The following PDE3A variants were observed in gnomAD, a reference collection of about 807,000 sequenced individuals.
The protein encoded by PDE3A is cGMP-inhibited 3',5'-cyclic phosphodiesterase 3A.
A neutral mutation model predicts 98.3 loss-of-function variants in PDE3A; 43 were observed. The observed-to-expected ratio is 0.44, with a 90% CI of 0.34 to 0.56. The LOEUF is 0.56. Ranked by LOEUF, PDE3A falls within the 20% of genes least tolerant of loss-of-function variation. PDE3A has a pLI of 0.01. For missense variants in PDE3A, 1,427 were observed against 1,440.7 expected, an observed-to-expected ratio of 0.99 and a Z score of 0.15; for synonymous variants, 663 against 567.9, an observed-to-expected ratio of 1.17 and a Z score of -2.38.
chr12:20,566,981 C>T (rs892430843), intron 2 of PDE3A, among the ~76,000 whole-genome samples: 2 of 151,726 alleles, frequency 1.3e-5, no homozygotes, highest in South Asian at 2.1e-4. Context: ...CATTTTCAGG[C>T]CTTTGCATGA....
At chr12:20,392,016 C>T (rs563178156) in intron 1 of PDE3A, among the ~76,000 whole-genome samples, 5 of 151,920 alleles carry the variant, frequency 3.3e-5, no homozygotes, top group East Asian at 1.9e-4. Context: ...TGCCTACTTA[C>T]GAACCACTAG....
chr12:20,589,024 G>A (rs1347275171), intron 2 of PDE3A, among the ~76,000 whole-genome samples: 2 of 152,094 alleles, frequency 1.3e-5, no homozygotes, highest in African/African-American at 4.8e-5. Flanking sequence ...CTGAGTTTAC[G>A]CCATTCTTCT....
intron 10 of PDE3A, among the ~76,000 whole-genome samples, chr12:20,642,836 A>G (rs1944675341): frequency 6.6e-6 from 1 of 152,006 alleles, no homozygotes; most frequent in Non-Finnish European, 1.5e-5. Flanking sequence ...TTCCAAAAGA[A>G]AAAAAAATAT....
At chr12:20,450,680 C>A (rs1191109049) in intron 1 of PDE3A, among the ~76,000 whole-genome samples, 1 of 152,186 alleles carries the variant, frequency 6.6e-6, no homozygotes, top group East Asian at 1.9e-4. Context: ...AGGAGTAGTT[C>A]AAGTTGTCTT....
Position 20,495,702 on chromosome 12 carries a change from C to T in PDE3A, c.961-60958C>T, listed in dbSNP as rs969373859. Among the ~76,000 whole-genome samples the T allele has an allele frequency of 2.0e-5, 3 of 152,262 alleles. No homozygotes were observed. In the East Asian group the frequency reaches 5.8e-4, roughly 29 times the overall value. On this transcript the variant is annotated intron_variant, in intron 1 of 15. Transcript: ENST00000359062. ...GTATAAAACACTTCAAGTTGCAGAA[C>T]ATCTCTTTACAGAATATTCCTAGAA...
chr12:20,595,110 A>T (rs1025496613), intron 2 of PDE3A, among the ~76,000 whole-genome samples: 5 of 152,242 alleles, frequency 3.3e-5, no homozygotes, highest in African/African-American at 1.2e-4. Flanking sequence ...AGGCCAAAGG[A>T]GGGAAGCCTT....
At chr12:20,405,066 T>C (rs1465583293) in intron 1 of PDE3A, among the ~76,000 whole-genome samples, 1 of 152,096 alleles carries the variant, frequency 6.6e-6, no homozygotes, top group East Asian at 1.9e-4. Flanking sequence ...CATTTGAATT[T>C]GGTGTGAAGG....
At chr12:20,621,191 C>A (rs1944126246) in intron 4 of PDE3A, 105 bp from the exon 5 acceptor site, 1 of 668,856 alleles carries the variant, frequency 1.5e-6, no homozygotes, top group South Asian at 1.8e-5. Flanking sequence ...CTCAGATTGG[C>A]AAATCTATTA....
chr12:20,530,927 G>A (rs1173453935), intron 1 of PDE3A, among the ~76,000 whole-genome samples: 1 of 152,114 alleles, frequency 6.6e-6, no homozygotes, highest in Non-Finnish European at 1.5e-5. Context: ...TCCTGAAAAT[G>A]AAAAGATATT....
intron 1 of PDE3A, among the ~76,000 whole-genome samples, chr12:20,449,472 G>T (rs936066704): frequency 6.6e-6 from 1 of 151,630 alleles, no homozygotes; most frequent in Admixed American, 6.6e-5. Context: ...TTTATTTACA[G>T]GTTGCCTAGA....
At chr12:20,573,195 A>G (rs1942844735) in intron 2 of PDE3A, among the ~76,000 whole-genome samples, 1 of 152,160 alleles carries the variant, frequency 6.6e-6, no homozygotes, top group Non-Finnish European at 1.5e-5. Flanking sequence ...AAAAGAAAGC[A>G]ACATTAATTG....
chr12:20,625,527 A>G (rs777335494), intron 5 of PDE3A, among the ~76,000 whole-genome samples: 9 of 152,192 alleles, frequency 5.9e-5, no homozygotes, highest in Non-Finnish European at 1.2e-4. Context: ...CTTTAGATGC[A>G]ATTTCTGCTT....
chr12:20,422,190 C>CA (rs1341813079), intron 1 of PDE3A, among the ~76,000 whole-genome samples: 6 of 151,828 alleles, frequency 4.0e-5, no homozygotes, highest in East Asian at 1.9e-4. Flanking sequence ...ACTAAAAATA[C>CA]AAAAAATTAG....
chr12:20,673,284 C>T (rs2120441808), intron 15 of PDE3A, among the ~76,000 whole-genome samples: 1 of 151,072 alleles, frequency 6.6e-6, no homozygotes, highest in African/African-American at 2.4e-5. Context: ...TTGTGGAAGT[C>T]AGTGTGGCGA....
rs556902582 is a variant in PDE3A, at chr12:20,602,303, GA to G, written c.1012-11139del. Among the ~76,000 whole-genome samples, 234 of 152,302 alleles carry G rather than the reference GA, an allele frequency of 1.5e-3. 2 individuals are homozygous for G. The highest frequency in any genetic ancestry group is 5.2e-3 in the African/African-American group (218 of 41,568). On this transcript the variant is annotated intron_variant, in intron 2 of 15. Transcript: ENST00000359062. ...AGACAGCTAAGGTTATCTTCTGAAA[GA>G]TGCGGGTTCTTACTAGAGTAAGTGA...
chr12:20,666,181 T>C (rs1324051478), intron 15 of PDE3A, among the ~76,000 whole-genome samples: 1 of 151,988 alleles, frequency 6.6e-6, no homozygotes, highest in Non-Finnish European at 1.5e-5. Context: ...GCCAGGCTGG[T>C]CTTAAACTCC....
intron 1 of PDE3A, among the ~76,000 whole-genome samples, chr12:20,402,762 C>T (rs1052652037): frequency 6.6e-6 from 1 of 151,900 alleles, no homozygotes; most frequent in African/African-American, 2.4e-5. Context: ...AAATTTTTTT[C>T]TAATGCCTGG....
intron 15 of PDE3A, among the ~76,000 whole-genome samples, chr12:20,660,390 T>A (rs4620774): frequency 0.68 from 103,540 of 152,002 alleles, 35,502 homozygotes; most frequent in East Asian, 0.79. Context: ...ATACCCAAAA[T>A]TGTGGAAGCA....
At chr12:20,473,804 GT>G (rs1362459004) in intron 1 of PDE3A, among the ~76,000 whole-genome samples, 4 of 152,080 alleles carry the variant, frequency 2.6e-5, no homozygotes, top group African/African-American at 9.6e-5. Flanking sequence ...GTGTTGATAT[GT>G]ATAATTATAG....
Sources: gnomAD v4.1 joint callset for allele counts (sites outside exome capture counted in the v4.1 genomes callset) on GRCh38, gnomAD v4.1.1 for gene constraint, MANE v1.5 for transcripts, NCBI Gene and HGNC (gene_info 2026-07-23, HGNC 2026-07-21) for gene names.